MORC1: variants seen among roughly 807,000 people sequenced by gnomAD.
MORC1 encodes MORC family CW-type zinc finger protein 1.
In MORC1, 59 loss-of-function variants were observed where a neutral mutation model predicts 134.9. That is an observed-to-expected ratio of 0.44 (90% confidence interval 0.35 to 0.54). The LOEUF (loss-of-function observed/expected upper bound fraction) is 0.54, where lower values mean the gene tolerates loss of function less well. Among genes scored for constraint, MORC1 ranks in the 20% least tolerant of loss-of-function variants. MORC1 has a pLI of 0.00. For synonymous variants in MORC1, 395 were observed against 391.7 expected (o/e 1.01, Z -0.10); for missense variants, 947 against 1,134.5 (o/e 0.83, Z 2.37).
chr3:109,000,310 C>A (rs577484931), intron 21 of MORC1, among the ~76,000 whole-genome samples: 1 of 152,228 alleles, frequency 6.6e-6, no homozygotes, highest in South Asian at 2.1e-4. Flanking sequence ...TTAAGGCTTT[C>A]TTACCCAGAT....
intron 21 of MORC1, among the ~76,000 whole-genome samples, chr3:108,995,174 C>A (rs1342317264): frequency 1.3e-5 from 2 of 152,132 alleles, no homozygotes; most frequent in Non-Finnish European, 2.9e-5. Flanking sequence ...GAGTTTGTAA[C>A]TATATCTAAA....
At chr3:109,046,933 T>C (rs1394217562) in intron 14 of MORC1, among the ~76,000 whole-genome samples, 1 of 152,056 alleles carries the variant, frequency 6.6e-6, no homozygotes, top group Non-Finnish European at 1.5e-5. Context: ...TGCTTTATTA[T>C]AGTGAAATGA....
intron 8 of MORC1, among the ~76,000 whole-genome samples, chr3:109,086,538 C>T (rs957376043): frequency 2.6e-5 from 4 of 151,916 alleles, no homozygotes; most frequent in African/African-American, 9.7e-5. Context: ...TCATATTGTA[C>T]CTTGGTTTCG....
chr3:109,049,138 C>T, intron 14 of MORC1: 1 of 984,728 alleles, frequency 1.0e-6, no homozygotes, highest in Non-Finnish European at 1.2e-6. Flanking sequence ...CGACGTGTAT[C>T]CTTAGCAAAG....
chr3:108,994,904 G>A (rs1005194714), intron 21 of MORC1, among the ~76,000 whole-genome samples: 6 of 152,128 alleles, frequency 3.9e-5, no homozygotes, highest in Admixed American at 3.3e-4. Flanking sequence ...TGTTTAGTCT[G>A]TGTGGTTACT....
chr3:108,993,251 A>G (rs554126737), intron 21 of MORC1, among the ~76,000 whole-genome samples: 1 of 152,324 alleles, frequency 6.6e-6, no homozygotes, highest in Admixed American at 6.5e-5. Context: ...AATGTCTAAC[A>G]TAGTATTGTT....
At chr3:109,022,470 T>C (rs1353565883) in intron 17 of MORC1, among the ~76,000 whole-genome samples, 1 of 152,250 alleles carries the variant, frequency 6.6e-6, no homozygotes, top group Non-Finnish European at 1.5e-5. Flanking sequence ...TGTCTGTATG[T>C]GTGTCCACAT....
chr3:108,979,703 G>T, intron 23 of MORC1, 36 bp from the exon 24 acceptor site: 1 of 1,601,286 alleles, frequency 6.2e-7, no homozygotes, highest in Non-Finnish European at 8.5e-7. Context: ...AATCATGTTA[G>T]GTATTAATAA....
At chr3:109,095,231 A>C (rs547715546) in intron 6 of MORC1, among the ~76,000 whole-genome samples, 163 bp from the exon 7 acceptor site, 1 of 152,322 alleles carries the variant, frequency 6.6e-6, no homozygotes, top group Non-Finnish European at 1.5e-5. Context: ...CACATAACAA[A>C]TGTGTATAGA....
rs763175019 is a variant in MORC1, at chr3:108,958,796, G to A, written c.*169C>T. ...TTAGGGAATACATAAATTGTAAATC[G>A]GTCTCCATTTCTAGAGTACACAATT... On this transcript the variant is annotated 3_prime_UTR_variant, in exon 28 of 28. Transcript: ENST00000232603. 18 of 352,214 alleles carry A rather than the reference G, an allele frequency of 5.1e-5. No homozygotes were observed. Among genetic ancestry groups the A allele is most frequent in the African/African-American group, 2.3e-4 (11 of 46,888 alleles). The allele number at this position is 352,214 out of a possible 1,614,324, so 21.8% of individuals were successfully genotyped here. A position where few individuals can be genotyped will look rare whatever the true frequency, so the allele number is the denominator to read the frequency against.
intron 9 of MORC1, among the ~76,000 whole-genome samples, chr3:109,064,226 T>C (rs915027269): frequency 2.0e-5 from 3 of 152,184 alleles, no homozygotes; most frequent in Admixed American, 1.3e-4. Context: ...TTGGGGAACA[T>C]TATAGATTGC....
rs1259347227 is a variant in MORC1, at chr3:109,011,170, G to A, written c.1705-4079C>T. Reference sequence around the variant, plus strand: ...TTTGAGACTGCTGTGAGCTATAATTGTGCCACTGCACTCCAGCATGGGCAA... The same window carrying A: ...TTTGAGACTGCTGTGAGCTATAATTATGCCACTGCACTCCAGCATGGGCAA... On this transcript the variant is annotated intron_variant, in intron 17 of 27. Transcript: ENST00000232603. Among the ~76,000 whole-genome samples the A allele has an allele frequency of 2.6e-5, 4 of 152,110 alleles. No individual in the cohort carries two copies. The East Asian group carries it at 7.7e-4, about 29-fold the overall frequency.
intron 8 of MORC1, among the ~76,000 whole-genome samples, chr3:109,090,673 G>A (rs1472843317): frequency 6.7e-6 from 1 of 148,762 alleles, no homozygotes; most frequent in African/African-American, 2.5e-5. Flanking sequence ...AGGACTATGT[G>A]AAATAAATAA....
At chr3:109,109,070 T>C (rs1951103160) in intron 3 of MORC1, among the ~76,000 whole-genome samples, 2 of 152,108 alleles carry the variant, frequency 1.3e-5, no homozygotes, top group Admixed American at 1.3e-4. Flanking sequence ...GTTCCCTGAG[T>C]GCTTTTTCAC....
At chr3:108,982,726 T>TAAAAAA (rs72358419) in intron 23 of MORC1, among the ~76,000 whole-genome samples, 1 of 117,856 alleles carries the variant, frequency 8.5e-6, no homozygotes, top group Non-Finnish European at 1.7e-5. Context: ...ACTTAAAGTA[T>TAAAAAA]AAAAAAAAAA....
chr3:109,053,395 C>T lies in MORC1; in HGVS notation c.1330+1333G>A, dbSNP rs1156722609. Among the ~76,000 whole-genome samples the T allele has an allele frequency of 2.0e-5, 3 of 152,002 alleles. No homozygotes were observed. In the South Asian group the frequency reaches 6.2e-4, roughly 32 times the overall value. On this transcript the variant is annotated intron_variant, in intron 14 of 27. Transcript: ENST00000232603. ...AACCCAGGTGTCCAACAACAGTGGACTGGATAAAGAAAATGTGGCACACAT... is the reference window on the plus strand; with the variant it reads ...AACCCAGGTGTCCAACAACAGTGGATTGGATAAAGAAAATGTGGCACACAT...
intron 4 of MORC1, 63 bp downstream of exon 4, chr3:109,103,786 A>G: frequency 7.1e-7 from 1 of 1,403,814 alleles, no homozygotes; most frequent in Non-Finnish European, 1.0e-6. Flanking sequence ...CAATTTATTT[A>G]TTTTGTAGGT....
Position 109,059,820 on chromosome 3 carries a change from A to G in MORC1, c.1017T>C (p.Leu339=). The G allele has an allele frequency of 1.3e-5, 21 of 1,612,266 alleles. No homozygotes were observed. The highest frequency in any genetic ancestry group is 1.8e-5 in the Non-Finnish European group (21 of 1,179,030). ...TTGTGTCTTACCTTTGTTTCTCTTT[A>G]AGATTCTTTTGCTTTGCTTCTACAT... is the stretch of plus-strand genomic sequence containing the variant. ...LEDVEAKQKN[L]KEKQRELKTA... is the part of the protein sequence containing the mutation. The change falls in exon 12 of 28, where the codon CTT becomes CTC. Residue 339 remains leucine, a synonymous_variant. Transcript: ENST00000232603.
intron 17 of MORC1, chr3:109,019,082 T>C (rs1177529966): frequency 6.6e-6 from 1 of 152,214 alleles, no homozygotes; most frequent in Non-Finnish European, 1.5e-5. Context: ...TCTCTAGAAA[T>C]GACCTATAGA....
Sources: allele counts gnomAD v4.1 joint callset (sites outside exome capture counted in the v4.1 genomes callset), GRCh38; gene constraint gnomAD v4.1.1; transcripts MANE v1.5; gene names NCBI Gene and HGNC (gene_info 2026-07-23, HGNC 2026-07-21).